SCIN: variants seen among roughly 807,000 people sequenced by gnomAD.
SCIN encodes adseverin.
A neutral mutation model predicts 91.8 loss-of-function variants in SCIN; 91 were observed. The observed-to-expected ratio is 0.99, with a 90% CI of 0.84 to 1.18. SCIN has a LOEUF of 1.18. SCIN is among the 50% of genes most tolerant of loss of function. The pLI is 0.00. For missense variants in SCIN, 1,087 were observed against 863.9 expected (o/e 1.26, Z -3.24); for synonymous variants, 367 against 312.6 (o/e 1.17, Z -1.84).
Position 12,657,894 on chromosome 7 carries a change from T to C in SCIN, c.*5179T>C, listed in dbSNP as rs1784199140. On this transcript the variant is annotated 3_prime_UTR_variant, in exon 16 of 16. Transcript: ENST00000297029. ...TTCTATTATAGGAATAAGAATTCAG[T>C]AGTCATATTTCCTGTTGCCTATAAA... The C allele has an allele frequency of 6.6e-6, 1 of 152,110 alleles. No individual in the cohort carries two copies. Among genetic ancestry groups the C allele is most frequent in the Non-Finnish European group, 1.5e-5 (1 of 68,006 alleles). The allele number at this position is 152,110 out of a possible 1,614,324, so 9.4% of individuals were successfully genotyped here.
At chr7:12,634,576 T>C (rs138127384) in intron 9 of SCIN, among the ~76,000 whole-genome samples, 3,482 of 152,320 alleles carry the variant, frequency 0.023, 53 homozygotes, top group Non-Finnish European at 0.036. Flanking sequence ...TAGTTAACTT[T>C]CAAAGTCTAA....
rs1438925603 is a variant in SCIN at position 12,604,587 on chromosome 7, T to G, written c.590T>G (p.Ile197Ser). The G allele has an allele frequency of 1.3e-6, 2 of 1,552,082 alleles. No individual in the cohort carries two copies. The change falls in exon 4 of 16, where the codon ATT (isoleucine) becomes AGT (serine). Residue 197 changes from isoleucine (I) to serine (S), a missense_variant. Ile to Ser is a moderately radical substitution (Grantham distance 142, BLOSUM62 -2). Coordinates refer to ENST00000297029, the MANE Select transcript of SCIN (RefSeq NM_001112706.3). ...AAGGCAAACCAGGTAGCTACTGGCATTCGGTACAATGAAAGGAAAGGAAGG... is the reference window on the plus strand; with the variant it reads ...AAGGCAAACCAGGTAGCTACTGGCAGTCGGTACAATGAAAGGAAAGGAAGG... ...RLKANQVATGIRYNERKGRSE... is the reference protein window; with the variant it reads ...RLKANQVATGSRYNERKGRSE...
intron 4 of SCIN, among the ~76,000 whole-genome samples, chr7:12,605,799 A>T (rs1251469535): frequency 6.6e-6 from 1 of 152,232 alleles, no homozygotes; most frequent in Non-Finnish European, 1.5e-5. Context: ...GCCAGTATTT[A>T]AAATATTTCA....
chr7:12,647,344 T>G (rs1181462638), intron 13 of SCIN, among the ~76,000 whole-genome samples: 1 of 152,090 alleles, frequency 6.6e-6, no homozygotes, highest in Admixed American at 6.5e-5. Flanking sequence ...ATCTTTGATC[T>G]TATAATTACT....
In SCIN at chr7:12,577,960, G is replaced by A. The variant is rs1782409804; in HGVS notation, c.200-104G>A. 3.1e-6 allele frequency: 3 copies of A among 972,046 alleles called. No individual in the cohort carries two copies. The South Asian group carries it at 6.2e-5, about 20-fold the overall frequency. The allele number at this position is 972,046 out of a possible 1,614,324, so 60.2% of individuals were successfully genotyped here. On this transcript the variant is annotated intron_variant, in intron 1 of 15. Transcript: ENST00000297029. ...TCTTTGTGTAGAAGACTGTTGGATT[G>A]ATACATAATTGAAATGAAAATTTCT...
At chr7:12,578,911 T>TTTTTTTTTTTTTTTG (rs1279896920) in intron 2 of SCIN, among the ~76,000 whole-genome samples, 3 of 138,746 alleles carry the variant, frequency 2.2e-5, no homozygotes, top group African/African-American at 8.3e-5. Context: ...TAGGACAGGT[T>TTTTTTTTTTTTTTTG]TTTTTTTTTT....
At chr7:12,602,904 C>T (rs185914026) in intron 3 of SCIN, among the ~76,000 whole-genome samples, 52 of 152,156 alleles carry the variant, frequency 3.4e-4, no homozygotes, top group African/African-American at 1.1e-3. Flanking sequence ...CTTCAGCTTA[C>T]GAAGGTAATA....
At chr7:12,629,648 C>A (rs1040211952) in intron 9 of SCIN, among the ~76,000 whole-genome samples, 2 of 152,186 alleles carry the variant, frequency 1.3e-5, no homozygotes, top group African/African-American at 4.8e-5. Context: ...TGTGATTCCA[C>A]TGATACCTCA....
Position 12,625,829 on chromosome 7 carries a change from G to A in SCIN, c.960G>A (p.Met320Ile). The change falls in exon 7 of 16, where the codon ATG becomes ATA. Residue 320 changes from methionine to isoleucine, a missense_variant. Met to Ile is a conservative substitution (Grantham distance 10). Coordinates refer to ENST00000297029, the MANE Select transcript of SCIN (RefSeq NM_001112706.3). ...MKTAEEFLQQ[M>I]NYSKNTQIQV... ...CAGCTGAAGAATTTCTACAGCAAAT[G>A]AATTATTCCAAGAATACCCAAGTAT... is the stretch of plus-strand genomic sequence containing the variant. 1 of 1,611,270 alleles carries A rather than the reference G, an allele frequency of 6.2e-7. No individual in the cohort carries two copies. The highest frequency in any genetic ancestry group is 8.5e-7 in the Non-Finnish European group (1 of 1,178,042).
chr7:12,629,313 C>T (rs1251147465), intron 9 of SCIN, 91 bp downstream of exon 9: 1 of 1,194,476 alleles, frequency 8.4e-7, no homozygotes, highest in Admixed American at 2.5e-5. Flanking sequence ...GTAGAATAAT[C>T]CTATAATCAT....
chr7:12,577,797 A>C (rs1782405865), intron 1 of SCIN: 1 of 446,036 alleles, frequency 2.2e-6, no homozygotes, highest in East Asian at 4.4e-5. Flanking sequence ...TTGGGGTTAC[A>C]GTGAGCTATG....
At chr7:12,635,724 G>A (rs1229948083) in intron 9 of SCIN, among the ~76,000 whole-genome samples, 4 of 144,634 alleles carry the variant, frequency 2.8e-5, no homozygotes, top group Non-Finnish European at 6.0e-5. Context: ...ATTTTTCACT[G>A]TAGAGGTGTT....
chr7:12,602,668 CTACT>C (rs1462002781), intron 3 of SCIN, among the ~76,000 whole-genome samples: 4 of 152,118 alleles, frequency 2.6e-5, no homozygotes, highest in Non-Finnish European at 4.4e-5. Flanking sequence ...GATATCTCTC[CTACT>C]TGCACGTCCA....
Position 12,640,327 on chromosome 7 carries a change from T to C in SCIN, c.1411-20T>C. The C allele has an allele frequency of 6.5e-7, 1 of 1,535,538 alleles. No homozygotes were observed. The highest frequency in any genetic ancestry group is 8.7e-7 in the Non-Finnish European group (1 of 1,144,460). On this transcript the variant is annotated intron_variant, in intron 10 of 15. Coordinates refer to ENST00000297029, the MANE Select transcript of SCIN (RefSeq NM_001112706.3). ...AGCACTCTTAATTATATTTCTTTTA[T>C]TCCCCCTCTCCCCCATCAGATCCGA...
In SCIN at chr7:12,655,133, A is replaced by G. The variant is rs2115309086; in HGVS notation, c.*2418A>G. ...ACCATTCTCCTGTATACTCTAAGTC[A>G]TCTCTGCGTTACTTATAATACCTAA... On this transcript the variant is annotated 3_prime_UTR_variant, in exon 16 of 16. Coordinates refer to ENST00000297029, the MANE Select transcript of SCIN (RefSeq NM_001112706.3). The G allele has an allele frequency of 6.6e-6, 1 of 152,334 alleles. No homozygotes were observed. The highest frequency in any genetic ancestry group is 1.9e-4 in the East Asian group (1 of 5,192). 9.4% of individuals were successfully genotyped at this position (152,334 alleles called of 1,614,324 possible).
intron 3 of SCIN, among the ~76,000 whole-genome samples, chr7:12,602,807 C>T (rs1013803668): frequency 5.9e-5 from 9 of 152,134 alleles, no homozygotes; most frequent in Non-Finnish European, 1.2e-4. Flanking sequence ...TTTCAAGGTG[C>T]ACTGATTTCA....
At chr7:12,611,202 T>G (rs1783184784) in intron 4 of SCIN, 1 of 152,190 alleles carries the variant, frequency 6.6e-6, no homozygotes, top group Non-Finnish European at 1.5e-5. Context: ...TATTACTGAG[T>G]CATCTAGTAC....
intron 1 of SCIN, among the ~76,000 whole-genome samples, chr7:12,576,311 G>A (rs1199403736): frequency 1.3e-5 from 2 of 151,952 alleles, no homozygotes; most frequent in Admixed American, 6.6e-5. Context: ...ACCACAGCGA[G>A]TTCACAAAAT....
intron 9 of SCIN, among the ~76,000 whole-genome samples, chr7:12,635,083 T>C (rs914651604): frequency 5.9e-5 from 9 of 151,742 alleles, no homozygotes; most frequent in African/African-American, 9.7e-5. Flanking sequence ...GGCAGGAGAA[T>C]TGCTTGAACC....
Sources: allele counts gnomAD v4.1 joint callset (sites outside exome capture counted in the v4.1 genomes callset), GRCh38; gene constraint gnomAD v4.1.1; transcripts MANE v1.5; gene names NCBI Gene and HGNC (gene_info 2026-07-23, HGNC 2026-07-21).